The following PTPA variants were observed in gnomAD, a reference collection of about 807,000 sequenced individuals.
PTPA encodes the protein protein phosphatase 2 phosphatase activator.
PTPA carries 13 observed loss-of-function variants against 43.6 expected under a neutral mutation model. The observed-to-expected ratio is 0.30, with a 90% CI of 0.19 to 0.47. The LOEUF (loss-of-function observed/expected upper bound fraction) is 0.47, where lower values mean the gene tolerates loss of function less well. PTPA is among the 20% of genes least tolerant of loss of function. The pLI is 0.99. For missense variants in PTPA, 329 were observed against 411.9 expected, an observed-to-expected ratio of 0.80 and a Z score of 1.74; for synonymous variants, 172 against 158.2, an observed-to-expected ratio of 1.09 and a Z score of -0.66.
intron 8 of PTPA, 126 bp downstream of exon 8, chr9:129,137,818 G>A (rs571089708): frequency 3.0e-5 from 27 of 904,740 alleles, no homozygotes; most frequent in South Asian, 8.5e-5. Flanking sequence ...CGGCCGGAGC[G>A]GGTTATTGAA....
Position 129,143,665 on chromosome 9 carries a change from CT to C in PTPA, c.894+1116del. On this transcript the variant is annotated intron_variant, in intron 9 of 9. Transcript: ENST00000393370. ...CCTCACTCCCTTCCGCCCCCTCCCC[CT>C]TTGGTCCCCTTCCTCTGGACCTCAC... 4 of 506,434 alleles carry C rather than the reference CT, an allele frequency of 7.9e-6. No homozygotes were observed. The South Asian group carries it at 1.0e-4, about 13-fold the overall frequency. The allele number at this position is 506,434 out of a possible 1,614,324, so 31.4% of individuals were successfully genotyped here.
At chr9:129,141,935 C>T (rs1325256326) in intron 8 of PTPA, 1 of 131,688 alleles carries the variant, frequency 7.6e-6, no homozygotes, top group Non-Finnish European at 1.6e-5. Flanking sequence ...ACCACGTGTC[C>T]TGTGGGGGGG....
intron 9 of PTPA, chr9:129,143,724 T>C (rs1377761662): frequency 9.0e-6 from 3 of 331,710 alleles, no homozygotes; most frequent in Non-Finnish European, 1.7e-5. Context: ...CACATACCTC[T>C]CTAATCTGAG....
At position 129,143,868 on chromosome 9, in the gene PTPA, T is replaced by C. The variant is rs1851091759; in HGVS notation, c.894+1316T>C. ...TGATGTTCCTGACCCCACCCCCGCC[T>C]GTCCCACAGTGGGGGCTGCTGGGGA... is the stretch of plus-strand genomic sequence containing the variant. On this transcript the variant is annotated intron_variant, in intron 9 of 9. Coordinates refer to ENST00000393370, the MANE Select transcript of PTPA (RefSeq NM_178000.3). 2.0e-5 allele frequency among the ~76,000 whole-genome samples: 3 copies of C among 151,684 alleles called. 1 individual carries two copies. The highest frequency in any genetic ancestry group is 2.0e-4 in the Admixed American group (3 of 15,236).
chr9:129,143,897 C>T (rs565010590), intron 9 of PTPA, among the ~76,000 whole-genome samples: 1 of 151,922 alleles, frequency 6.6e-6, no homozygotes, highest in Admixed American at 6.5e-5. Context: ...CTGGGGAACT[C>T]TCACTCTGCT....
chr9:129,126,408 G>T (rs929697230), intron 3 of PTPA, among the ~76,000 whole-genome samples: 4 of 151,852 alleles, frequency 2.6e-5, no homozygotes, highest in Admixed American at 1.3e-4. Flanking sequence ...TCGAACTCCC[G>T]AACTCAGGTG....
At chr9:129,138,829 A>G (rs1014097811) in intron 8 of PTPA, among the ~76,000 whole-genome samples, 3 of 152,172 alleles carry the variant, frequency 2.0e-5, no homozygotes, top group Admixed American at 6.5e-5. Flanking sequence ...CATTTTTTCC[A>G]AGTCAGCAAA....
chr9:129,142,576 C>A, intron 9 of PTPA, 24 bp downstream of exon 9: 1 of 1,613,582 alleles, frequency 6.2e-7, no homozygotes, highest in Non-Finnish European at 8.5e-7. Flanking sequence ...GGCCAGTGTG[C>A]CCGTCCCTGC....
At chr9:129,130,400 G>A (rs1207393413) in intron 4 of PTPA, among the ~76,000 whole-genome samples, 1 of 150,554 alleles carries the variant, frequency 6.6e-6, no homozygotes, top group African/African-American at 2.4e-5. Context: ...CTCTTAAGAT[G>A]GTACATGATC....
At chr9:129,115,791 C>G (rs1018883053) in intron 1 of PTPA, among the ~76,000 whole-genome samples, 2 of 149,770 alleles carry the variant, frequency 1.3e-5, no homozygotes, top group Non-Finnish European at 1.5e-5. Context: ...AGGTGCCCAC[C>G]ACCACGCCTG....
Position 129,123,084 on chromosome 9 carries a change from C to T in PTPA, c.162C>T (p.Thr54=), listed in dbSNP as rs894016621. The T allele has an allele frequency of 1.3e-5, 21 of 1,612,140 alleles. No homozygotes were observed. The highest frequency in any genetic ancestry group is 1.8e-5 in the Non-Finnish European group (21 of 1,178,908). Residue 54 remains threonine, a synonymous_variant, in exon 3 of 10, where the codon ACC becomes ACT. Transcript: ENST00000393370. ...CTGACTACATCGGATTCATCCTTAC[C>T]CTCAACGAAGGTGTGAAGGGGAAGA... is the stretch of plus-strand genomic sequence containing the variant. ...AYADYIGFIL[T]LNEGVKGKKL...
chr9:129,129,570 C>T (rs1218588761), intron 4 of PTPA, among the ~76,000 whole-genome samples: 2 of 151,702 alleles, frequency 1.3e-5, no homozygotes, highest in African/African-American at 2.4e-5. Context: ...CCTGGGTTCA[C>T]GCCATTCTCC....
At chr9:129,121,108 C>G (rs1347878958) in intron 2 of PTPA, among the ~76,000 whole-genome samples, 1 of 152,194 alleles carries the variant, frequency 6.6e-6, no homozygotes, top group East Asian at 1.9e-4. Flanking sequence ...AAATGATGGG[C>G]AGAAGATAAC....
chr9:129,146,191 GCTC>G (rs1416831777), intron 9 of PTPA, among the ~76,000 whole-genome samples: 1 of 152,130 alleles, frequency 6.6e-6, no homozygotes. Flanking sequence ...ATCTGCGGCT[GCTC>G]CCCCTCCCGC....
intron 5 of PTPA, 140 bp from the exon 6 acceptor site, chr9:129,134,655 A>G: frequency 1.6e-6 from 1 of 637,406 alleles, no homozygotes; most frequent in Non-Finnish European, 2.7e-6. Flanking sequence ...GTCTTTCTGA[A>G]TGGGGAAGAG....
At chr9:129,119,370 A>G (rs1278184373) in intron 1 of PTPA, 1 of 151,390 alleles carries the variant, frequency 6.6e-6, no homozygotes, top group Non-Finnish European at 1.5e-5. Flanking sequence ...CTTATTCAGG[A>G]GGTTGGCAAT....
chr9:129,144,378 G>A (rs945723557), intron 9 of PTPA, among the ~76,000 whole-genome samples: 3 of 152,064 alleles, frequency 2.0e-5, no homozygotes, highest in Non-Finnish European at 4.4e-5. Context: ...CCTAGTTGAG[G>A]CCGGCGCTGT....
chr9:129,140,377 AG>A, intron 8 of PTPA, among the ~76,000 whole-genome samples: 1 of 152,154 alleles, frequency 6.6e-6, no homozygotes, highest in Non-Finnish European at 1.5e-5. Context: ...TGAAGGACTT[AG>A]GGAGACCCTG....
At chr9:129,133,271 C>T (rs1850107884) in intron 5 of PTPA, among the ~76,000 whole-genome samples, 1 of 152,196 alleles carries the variant, frequency 6.6e-6, no homozygotes, top group Admixed American at 6.5e-5. Flanking sequence ...CAGAGGCAGG[C>T]CCTGGAGAAG....
Sources: gnomAD v4.1 joint callset for allele counts (sites outside exome capture counted in the v4.1 genomes callset) on GRCh38, gnomAD v4.1.1 for gene constraint, MANE v1.5 for transcripts, NCBI Gene and HGNC (gene_info 2026-07-23, HGNC 2026-07-21) for gene names.